The following RBL2 variants were observed in gnomAD, a reference collection of about 807,000 sequenced individuals.
The protein encoded by RBL2 is RB transcriptional corepressor like 2, also known as retinoblastoma-like protein 2.
Under a neutral mutation model 126.0 loss-of-function variants are expected in RBL2, and 56 were observed. That is an observed-to-expected ratio of 0.44 (90% CI 0.36 to 0.56). The LOEUF (loss-of-function observed/expected upper bound fraction) is 0.56. RBL2 is among the 20% of genes least tolerant of loss of function. The pLI, the probability that RBL2 is intolerant of heterozygous loss-of-function variation, is 0.00. For missense variants in RBL2, 1,229 were observed against 1,398.2 expected (o/e 0.88, Z 1.93); for synonymous variants, 454 against 478.5 (o/e 0.95, Z 0.67).
In RBL2 at chr16:53,457,258, C is replaced by CTTTTTTTTTTTTTT. The variant is rs756763534; in HGVS notation, c.1180-2187_1180-2174dup. On this transcript the variant is annotated intron_variant, in intron 8 of 21. Coordinates refer to ENST00000262133, the MANE Select transcript of RBL2 (RefSeq NM_005611.4). ...GGGTCATCAGGGTGGGTACAGATAG[C>CTTTTTTTTTTTTTT]TTTTTTTTTTTTTTTTTTTGAGATG... Among the ~76,000 whole-genome samples, 220 of 89,934 alleles carry CTTTTTTTTTTTTTT rather than the reference C, an allele frequency of 2.4e-3. 39 individuals carry two copies. The highest frequency in any genetic ancestry group is 9.7e-3 in the African/African-American group (163 of 16,718). 59.0% of individuals were successfully genotyped at this position (89,934 alleles called of 152,430 possible).
intron 8 of RBL2, 114 bp from the exon 9 acceptor site, chr16:53,459,337 T>C: frequency 1.2e-6 from 1 of 803,654 alleles, no homozygotes; most frequent in Admixed American, 2.8e-5. Flanking sequence ...ATTGTAAAGA[T>C]AAAGTCTTAC....
rs762813489 is a variant in RBL2, at chr16:53,453,477, A to G, written c.792A>G (p.Lys264=). 1 of 1,613,076 alleles carries G rather than the reference A, an allele frequency of 6.2e-7. No individual in the cohort carries two copies. Among genetic ancestry groups the G allele is most frequent in the East Asian group, 2.2e-5 (1 of 44,790 alleles). ...GCTTATCTGAAGATTTTCATGCTAA[A>G]GATTCTAAACCTTCCTCTGACCCCC... ...FKGLSEDFHA[K]DSKPSSDPPC... The change falls in exon 6 of 22, where the codon AAA becomes AAG. Residue 264 remains lysine, a synonymous_variant. Transcript: ENST00000262133.
At chr16:53,447,154 T>A in intron 4 of RBL2, 48 bp downstream of exon 4, 1 of 1,052,266 alleles carries the variant, frequency 9.5e-7, no homozygotes, top group Non-Finnish European at 1.4e-6. Flanking sequence ...CTATTTACAT[T>A]TTCAGGTATT....
intron 4 of RBL2, among the ~76,000 whole-genome samples, chr16:53,448,359 A>G (rs996499962): frequency 6.6e-6 from 1 of 152,070 alleles, no homozygotes; most frequent in Non-Finnish European, 1.5e-5. Context: ...GAGTTTCACC[A>G]TCTTGGCCAG....
At chr16:53,477,054 A>C (rs1327724569) in intron 17 of RBL2, among the ~76,000 whole-genome samples, 1 of 55,722 alleles carries the variant, frequency 1.8e-5, no homozygotes, top group Non-Finnish European at 3.3e-5. Context: ...CTTTGGTTTC[A>C]TTTTGTGTGT....
intron 2 of RBL2, among the ~76,000 whole-genome samples, chr16:53,441,654 C>T (rs942354049): frequency 2.6e-5 from 4 of 151,962 alleles, no homozygotes; most frequent in Admixed American, 6.6e-5. Flanking sequence ...TGTAAAAACA[C>T]GTAATAAGAT....
rs1252210159 is a variant in RBL2 at position 53,490,665 on chromosome 16, C to G, written c.*365C>G. The G allele has an allele frequency of 3.5e-5, 6 of 171,284 alleles. No individual in the cohort carries two copies. Among genetic ancestry groups the G allele is most frequent in the Admixed American group, 1.3e-4 (2 of 15,822 alleles). The allele number at this position is 171,284 out of a possible 1,614,324, so 10.6% of individuals were successfully genotyped here. On this transcript the variant is annotated 3_prime_UTR_variant, in exon 22 of 22. Transcript: ENST00000262133. ...CAACAGAAGAACTGTGTTTCAAGTT[C>G]AATCCTACCTGTTTTGTGGTCAGCT... is the stretch of plus-strand genomic sequence containing the variant.
At chr16:53,473,363 C>T (rs1378221766) in intron 17 of RBL2, among the ~76,000 whole-genome samples, 1 of 147,990 alleles carries the variant, frequency 6.8e-6, no homozygotes, top group South Asian at 2.1e-4. Context: ...GTTTTTTTTT[C>T]AACAATGCTT....
In RBL2 at chr16:53,470,227, C is replaced by T. The variant is rs200849296; in HGVS notation, c.2245+42C>T. The stretch of plus-strand genomic sequence containing the variant: ...TGGATATTGAGTTCCTTCTCTGTGG[C>T]ATGTATTGAAAAGTTACCCGAGGTT... On this transcript the variant is annotated intron_variant, in intron 15 of 21. Transcript: ENST00000262133. 1.7e-4 allele frequency: 261 copies of T among 1,573,690 alleles called. No individual in the cohort carries two copies. In the Admixed American group the frequency reaches 4.5e-3, roughly 27 times the overall value.
At chr16:53,445,006 A>G (rs1462828644) in intron 3 of RBL2, among the ~76,000 whole-genome samples, 1 of 152,038 alleles carries the variant, frequency 6.6e-6, no homozygotes, top group African/African-American at 2.4e-5. Flanking sequence ...ATTTCTTAGG[A>G]TATATATACT....
chr16:53,437,112 A>G (rs1282258726), intron 1 of RBL2, among the ~76,000 whole-genome samples: 1 of 152,032 alleles, frequency 6.6e-6, no homozygotes, highest in Non-Finnish European at 1.5e-5. Flanking sequence ...CCAAAATAGA[A>G]CATTATAGAT....
At position 53,434,925 on chromosome 16, in the gene RBL2, TC is replaced by T. The variant is rs1017873947; in HGVS notation, c.240+131del. The stretch of plus-strand genomic sequence containing the variant: ...CCCAGCCCCGAGAGGGGTGGGGACT[TC>T]CTCTGCGCTATTCCGAGGCTCTTAG... On this transcript the variant is annotated intron_variant, in intron 1 of 21. Transcript: ENST00000262133. 14 of 1,324,574 alleles carry T rather than the reference TC, an allele frequency of 1.1e-5. No individual in the cohort carries two copies. In the Admixed American group the frequency reaches 1.7e-4, roughly 16 times the overall value. 82.1% of individuals were successfully genotyped at this position (1,324,574 alleles called of 1,614,324 possible). A position where few individuals can be genotyped will look rare whatever the true frequency, so the allele number is the denominator to read the frequency against.
Position 53,490,347 on chromosome 16 carries a change from G to A in RBL2, c.*47G>A, listed in dbSNP as rs748433336. Reference sequence around the variant, plus strand: ...TCTTCACAAAATCTGTTTAGCAGCAGCCTTTAATGCATCTAGATTATGGAG... The same window carrying A: ...TCTTCACAAAATCTGTTTAGCAGCAACCTTTAATGCATCTAGATTATGGAG... On this transcript the variant is annotated 3_prime_UTR_variant, in exon 22 of 22. Transcript: ENST00000262133. 1 of 1,460,734 alleles carries A rather than the reference G, an allele frequency of 6.8e-7. No individual in the cohort carries two copies. The highest frequency in any genetic ancestry group is 9.3e-7 in the Non-Finnish European group (1 of 1,078,724). 90.5% of individuals were successfully genotyped at this position (1,460,734 alleles called of 1,614,324 possible).
intron 12 of RBL2, 136 bp from the exon 13 acceptor site, chr16:53,465,298 ATAAT>A: frequency 5.6e-6 from 3 of 538,814 alleles, no homozygotes; most frequent in Non-Finnish European, 8.7e-6. Flanking sequence ...AGTTTGAACT[ATAAT>A]TATTTACAAA....
At chr16:53,455,152 T>C (rs956937340) in intron 8 of RBL2, among the ~76,000 whole-genome samples, 2 of 152,254 alleles carry the variant, frequency 1.3e-5, no homozygotes, top group African/African-American at 4.8e-5. Flanking sequence ...GAACATAGTG[T>C]AGGCATTTAG....
intron 8 of RBL2, among the ~76,000 whole-genome samples, chr16:53,456,028 A>T (rs537303600): frequency 2.0e-5 from 3 of 152,104 alleles, no homozygotes; most frequent in Admixed American, 2.0e-4. Flanking sequence ...TACAAAAAAT[A>T]AGCTGGCCAT....
intron 5 of RBL2, among the ~76,000 whole-genome samples, 197 bp from the exon 6 acceptor site, chr16:53,453,255 C>G (rs1034767242): frequency 6.6e-6 from 1 of 152,036 alleles, no homozygotes; most frequent in South Asian, 2.1e-4. Flanking sequence ...TGAAATCTTT[C>G]GAGTAATGAT....
At position 53,480,478 on chromosome 16, in the gene RBL2, T is replaced by TAGC. The variant is rs1960896333; in HGVS notation, c.2882-88_2882-86dup. 8.4e-6 allele frequency: 9 copies of TAGC among 1,076,688 alleles called. No individual in the cohort carries two copies. The South Asian group carries it at 9.1e-5, about 11-fold the overall frequency. 66.7% of individuals were successfully genotyped at this position (1,076,688 alleles called of 1,614,324 possible). ...CACTGTTATTAGCAAGTAGTGCAGG[T>TAGC]AGCTGTTCCCTTTCTCCTACTTTTA... On this transcript the variant is annotated intron_variant, in intron 19 of 21. Coordinates refer to ENST00000262133, the MANE Select transcript of RBL2 (RefSeq NM_005611.4).
At chr16:53,445,345 G>T (rs2058052123) in intron 3 of RBL2, among the ~76,000 whole-genome samples, 1 of 142,514 alleles carries the variant, frequency 7.0e-6, no homozygotes, top group African/African-American at 2.6e-5. Context: ...AAAAAAAAAA[G>T]TAAATCACTT....
Sources: allele counts gnomAD v4.1 joint callset (sites outside exome capture counted in the v4.1 genomes callset), GRCh38; gene constraint gnomAD v4.1.1; transcripts MANE v1.5; gene names NCBI Gene and HGNC (gene_info 2026-07-23, HGNC 2026-07-21).